CADM1: variants seen among roughly 807,000 people sequenced by gnomAD.
CADM1 encodes the protein TSLC-1.
A neutral mutation model predicts 53.1 loss-of-function variants in CADM1; 15 were observed. The observed-to-expected ratio is 0.28, with a 90% CI of 0.19 to 0.44. The LOEUF is 0.44. Among genes scored for constraint, CADM1 ranks in the 20% least tolerant of loss-of-function variants. The probability of loss-of-function intolerance (pLI) is 1.00; values close to 1 mark genes in which losing one functional copy is unlikely to be tolerated. For synonymous variants in CADM1, 281 were observed against 243.0 expected (o/e 1.16, Z -1.45); for missense variants, 434 against 611.3 (o/e 0.71, Z 3.06).
At chr11:115,387,864 A>G (rs1186996762) in intron 1 of CADM1, among the ~76,000 whole-genome samples, 6 of 152,040 alleles carry the variant, frequency 3.9e-5, no homozygotes, top group Admixed American at 3.9e-4. Flanking sequence ...CAGCACACCT[A>G]GCACCCCAAT....
intron 1 of CADM1, among the ~76,000 whole-genome samples, chr11:115,436,173 A>C (rs1948179170): frequency 6.6e-6 from 1 of 152,190 alleles, no homozygotes; most frequent in African/African-American, 2.4e-5. Context: ...ACATACATAC[A>C]TATTCCCCAC....
chr11:115,307,060 C>A (rs1944394537), intron 1 of CADM1, among the ~76,000 whole-genome samples: 1 of 151,840 alleles, frequency 6.6e-6, no homozygotes, highest in African/African-American at 2.4e-5. Context: ...CAATAGCATT[C>A]AAATAGTTAC....
chr11:115,184,097 A>G (rs2134609724), intron 10 of CADM1, among the ~76,000 whole-genome samples: 1 of 152,174 alleles, frequency 6.6e-6, no homozygotes, highest in East Asian at 1.9e-4. Flanking sequence ...TCTATTTCAG[A>G]GAAAGCTTAG....
At chr11:115,260,236 T>C (rs1459837909) in intron 1 of CADM1, among the ~76,000 whole-genome samples, 1 of 152,178 alleles carries the variant, frequency 6.6e-6, no homozygotes, top group Non-Finnish European at 1.5e-5. Context: ...GGCCACCCTT[T>C]TGTTTTAATG....
intron 3 of CADM1, among the ~76,000 whole-genome samples, chr11:115,237,592 G>A (rs1443279852): frequency 1.3e-5 from 2 of 152,110 alleles, no homozygotes; most frequent in Non-Finnish European, 2.9e-5. Context: ...CTGAAAAGCT[G>A]CAGTCTGCCG....
At chr11:115,452,949 G>C (rs528446077) in intron 1 of CADM1, among the ~76,000 whole-genome samples, 17 of 152,234 alleles carry the variant, frequency 1.1e-4, no homozygotes, top group Non-Finnish European at 2.1e-4. Flanking sequence ...TGAAAGAAAA[G>C]CCAAACCTAT....
intron 10 of CADM1, among the ~76,000 whole-genome samples, chr11:115,187,767 G>A (rs1939639098): frequency 6.6e-6 from 1 of 152,180 alleles, no homozygotes; most frequent in African/African-American, 2.4e-5. Flanking sequence ...TTGAAGCCGT[G>A]TTTCTTGTAT....
At chr11:115,462,282 G>A (rs1475914774) in intron 1 of CADM1, among the ~76,000 whole-genome samples, 1 of 152,136 alleles carries the variant, frequency 6.6e-6, no homozygotes, top group African/African-American at 2.4e-5. Flanking sequence ...GACTGCTTCC[G>A]CCGGACAAAT....
At position 115,253,527 on chromosome 11, in the gene CADM1, T is replaced by C. The variant is rs1942675824; in HGVS notation, c.125-13107A>G. ...CAAAATTTAATTGAATAATAATATT[T>C]TGTTTAGTTTGATAACTATACAATG... On this transcript the variant is annotated intron_variant, in intron 1 of 11. Coordinates refer to ENST00000331581, the MANE Select transcript of CADM1 (RefSeq NM_001301043.2). Among the ~76,000 whole-genome samples, 4 of 152,326 alleles carry C rather than the reference T, an allele frequency of 2.6e-5. No individual in the cohort carries two copies. The South Asian group carries it at 8.3e-4, about 32-fold the overall frequency.
intron 1 of CADM1, among the ~76,000 whole-genome samples, chr11:115,390,011 C>T (rs567249189): frequency 6.6e-6 from 1 of 152,194 alleles, no homozygotes; most frequent in East Asian, 1.9e-4. Flanking sequence ...AGGAGACAGT[C>T]GTAAGTGGTA....
intron 1 of CADM1, among the ~76,000 whole-genome samples, chr11:115,242,336 G>GAA (rs200660668): frequency 8.3e-4 from 48 of 57,626 alleles, no homozygotes; most frequent in African/African-American, 2.8e-3. Flanking sequence ...AAGGTGATCA[G>GAA]AAAAAAAAAA....
chr11:115,187,423 G>A (rs1939616108), intron 10 of CADM1, among the ~76,000 whole-genome samples: 1 of 152,086 alleles, frequency 6.6e-6, no homozygotes, highest in African/African-American at 2.4e-5. Flanking sequence ...GCTAAATGTA[G>A]GTTTGTTATT....
intron 1 of CADM1, among the ~76,000 whole-genome samples, chr11:115,460,824 C>T (rs1417835272): frequency 6.6e-6 from 1 of 151,990 alleles, no homozygotes; most frequent in Admixed American, 6.6e-5. Context: ...CAACTGGACA[C>T]TGGCTCAATG....
In CADM1 at chr11:115,295,532, AT is replaced by A. The variant is rs1268052867; in HGVS notation, c.125-55113del. 1.1e-3 allele frequency among the ~76,000 whole-genome samples: 91 copies of A among 84,882 alleles called. 5 individuals are homozygous for A. The highest frequency in any genetic ancestry group is 5.5e-3 in the African/African-American group (61 of 11,000). The allele number at this position is 84,882 out of a possible 152,430, so 55.7% of individuals were successfully genotyped here. On this transcript the variant is annotated intron_variant, in intron 1 of 11. Transcript: ENST00000331581. ...TATATATATATATATATATATATAT[AT>A]ATATATATATATATATAATATATAT...
intron 6 of CADM1, among the ~76,000 whole-genome samples, chr11:115,217,629 T>G (rs1033529484): frequency 6.6e-6 from 1 of 152,184 alleles, no homozygotes; most frequent in Non-Finnish European, 1.5e-5. Flanking sequence ...GAGAAAATAG[T>G]CCTGACAATC....
chr11:115,284,223 G>C (rs1328792371), intron 1 of CADM1, among the ~76,000 whole-genome samples: 1 of 151,372 alleles, frequency 6.6e-6, no homozygotes, highest in Non-Finnish European at 1.5e-5. Flanking sequence ...AAGACTTTCT[G>C]CTCCTAGAAA....
chr11:115,360,992 A>G (rs1436574119), intron 1 of CADM1, among the ~76,000 whole-genome samples: 1 of 152,222 alleles, frequency 6.6e-6, no homozygotes, highest in Non-Finnish European at 1.5e-5. Context: ...TATTCAAACT[A>G]TGTTTTAAAC....
At chr11:115,381,350 T>C (rs765405624) in intron 1 of CADM1, among the ~76,000 whole-genome samples, 10 of 150,456 alleles carry the variant, frequency 6.6e-5, no homozygotes, top group Non-Finnish European at 1.3e-4. Context: ...CAAAATGCAA[T>C]TCCAGAACAA....
At chr11:115,259,826 T>C (rs1380770764) in intron 1 of CADM1, among the ~76,000 whole-genome samples, 1 of 152,234 alleles carries the variant, frequency 6.6e-6, no homozygotes, top group Non-Finnish European at 1.5e-5. Flanking sequence ...CTGTAACTCC[T>C]GGCTCCATGC....
Sources: gnomAD v4.1 joint callset for allele counts (sites outside exome capture counted in the v4.1 genomes callset) on GRCh38, gnomAD v4.1.1 for gene constraint, MANE v1.5 for transcripts, NCBI Gene and HGNC (gene_info 2026-07-23, HGNC 2026-07-21) for gene names.